The following SEC14L1 variants were observed in gnomAD, a reference collection of about 807,000 sequenced individuals.
SEC14L1 encodes the protein SEC14-like protein 1.
SEC14L1 carries 48 observed loss-of-function variants against 85.3 expected under a neutral mutation model. That is an observed-to-expected ratio of 0.56 (90% CI 0.45 to 0.72). The LOEUF (loss-of-function observed/expected upper bound fraction) is 0.72. Ranked by LOEUF, SEC14L1 falls within the 30% of genes least tolerant of loss-of-function variation. The pLI, the probability that SEC14L1 is intolerant of heterozygous loss-of-function variation, is 0.00. For synonymous variants in SEC14L1, 391 were observed against 355.5 expected (o/e 1.10, Z -1.12); for missense variants, 682 against 921.4 (o/e 0.74, Z 3.36).
intron 3 of SEC14L1, among the ~76,000 whole-genome samples, chr17:77,158,672 C>CAATTGTA (rs1036956165): frequency 6.6e-6 from 1 of 152,056 alleles, no homozygotes; most frequent in Non-Finnish European, 1.5e-5. Context: ...GAATTGTACT[C>CAATTGTA]AATTGTATCT....
Position 77,206,005 on chromosome 17 carries a change from C to T in SEC14L1, c.1170-224C>T, listed in dbSNP as rs1443807738. 6.6e-6 allele frequency among the ~76,000 whole-genome samples: 1 copy of T among 152,072 alleles called. No individual in the cohort carries two copies. Among genetic ancestry groups the T allele is most frequent in the Non-Finnish European group, 1.5e-5 (1 of 68,028 alleles). On this transcript the variant is annotated intron_variant, in intron 11 of 16. Transcript: ENST00000436233. The surrounding 1 kb of genome is among the most constrained non-coding windows in gnomAD (Gnocchi z 4.3). ...GAGCTTTTCGTGCATTATCAGTCAG[C>T]CTTAATTGCAGTTTCAGGCCTTGGT...
intron 3 of SEC14L1, among the ~76,000 whole-genome samples, chr17:77,128,498 G>A (rs1344224469): frequency 1.4e-5 from 2 of 140,054 alleles, no homozygotes; most frequent in Admixed American, 1.5e-4. Flanking sequence ...TCGTTCTGTC[G>A]CCCAGTCTGG....
chr17:77,092,127 T>C (rs1253110637), intron 2 of SEC14L1, among the ~76,000 whole-genome samples: 1 of 152,166 alleles, frequency 6.6e-6, no homozygotes, highest in African/African-American at 2.4e-5. Context: ...GAATGTAATA[T>C]TGATTTTCTC....
At chr17:77,117,050 A>G (rs1306580976) in intron 3 of SEC14L1, among the ~76,000 whole-genome samples, 2 of 152,234 alleles carry the variant, frequency 1.3e-5, no homozygotes, top group Non-Finnish European at 2.9e-5. Flanking sequence ...TATTCCCTGC[A>G]GTAAATGCAA....
intron 3 of SEC14L1, among the ~76,000 whole-genome samples, chr17:77,134,244 A>G (rs946851835): frequency 1.4e-5 from 2 of 145,008 alleles, no homozygotes; most frequent in African/African-American, 5.1e-5. Flanking sequence ...CATGCAACAC[A>G]CACACACTTT....
chr17:77,206,421 C>T lies in SEC14L1; in HGVS notation c.1341+21C>T. Reference sequence around the variant, plus strand: ...CGCTGGTGGGTTGAGATGCTTTTTGCAGTAACTGTGAGCCATTTGGAAAGC... The same window carrying T: ...CGCTGGTGGGTTGAGATGCTTTTTGTAGTAACTGTGAGCCATTTGGAAAGC... On this transcript the variant is annotated intron_variant, in intron 12 of 16. Transcript: ENST00000436233. The surrounding 1 kb of genome is among the most constrained non-coding windows in gnomAD (Gnocchi z 4.3). 1 of 1,607,056 alleles carries T rather than the reference C, an allele frequency of 6.2e-7. No homozygotes were observed. The highest frequency in any genetic ancestry group is 8.5e-7 in the Non-Finnish European group (1 of 1,174,582).
chr17:77,173,049 C>G (rs562742031), intron 3 of SEC14L1, among the ~76,000 whole-genome samples: 1 of 152,244 alleles, frequency 6.6e-6, no homozygotes, highest in Admixed American at 6.5e-5. Flanking sequence ...ATTAGCTCAG[C>G]CCAAGTATAT....
intron 3 of SEC14L1, among the ~76,000 whole-genome samples, chr17:77,158,107 C>T (rs1179852913): frequency 4.6e-5 from 7 of 152,202 alleles, no homozygotes; most frequent in Non-Finnish European, 1.0e-4. Flanking sequence ...CCAGACTGGT[C>T]TCGAACTCCT....
chr17:77,214,936 A>G lies in SEC14L1; in HGVS notation c.*913A>G, dbSNP rs537196896. The G allele has an allele frequency of 8.9e-5, 88 of 985,372 alleles. 1 individual carries two copies. The African/African-American group carries it at 1.4e-3, about 16-fold the overall frequency. The allele number at this position is 985,372 out of a possible 1,614,324, so 61.0% of individuals were successfully genotyped here. On this transcript the variant is annotated 3_prime_UTR_variant, in exon 17 of 17. Coordinates refer to ENST00000436233, the MANE Select transcript of SEC14L1 (RefSeq NM_001143998.2). ...GGCCGTCTTGGAACCAGCAAGTCGC[A>G]TTTGCCACTTGACACTGTCCATGGG...
At chr17:77,161,560 A>G (rs1490039787) in intron 3 of SEC14L1, among the ~76,000 whole-genome samples, 1 of 152,162 alleles carries the variant, frequency 6.6e-6, no homozygotes, top group Non-Finnish European at 1.5e-5. Context: ...GCAAGGGGGA[A>G]AAAGTAACTG....
chr17:77,168,798 G>A (rs1039597197), intron 3 of SEC14L1, among the ~76,000 whole-genome samples: 4 of 152,034 alleles, frequency 2.6e-5, no homozygotes, highest in East Asian at 1.9e-4. Flanking sequence ...TAATGGCATC[G>A]TCTGCATAAT....
chr17:77,144,875 G>A (rs1973206434), intron 3 of SEC14L1: 2 of 152,244 alleles, frequency 1.3e-5, no homozygotes, highest in Non-Finnish European at 2.9e-5. Flanking sequence ...GTCTCCCAGA[G>A]TGCTGGGATT....
intron 3 of SEC14L1, among the ~76,000 whole-genome samples, chr17:77,105,987 G>GA (rs112870360): frequency 1.6e-3 from 221 of 136,444 alleles, no homozygotes; most frequent in Middle Eastern, 7.4e-3. Flanking sequence ...GAGTTCAGAG[G>GA]AAAAAAAAAA....
Position 77,152,964 on chromosome 17 carries a change from C to G in SEC14L1, c.63+9305C>G, listed in dbSNP as rs8067966. Reference sequence around the variant, plus strand: ...ATTTGTCCTGTTCAGTTACCTTAACCTTTTGCTGATTTAATTGTTCCTTAC... The same window carrying G: ...ATTTGTCCTGTTCAGTTACCTTAACGTTTTGCTGATTTAATTGTTCCTTAC... On this transcript the variant is annotated intron_variant, in intron 3 of 16. Transcript: ENST00000436233. Among the ~76,000 whole-genome samples, 3 of 152,230 alleles carry G rather than the reference C, an allele frequency of 2.0e-5. No homozygotes were observed. The South Asian group carries it at 6.2e-4, about 32-fold the overall frequency.
At chr17:77,108,710 G>C (rs1430234311) in intron 3 of SEC14L1, among the ~76,000 whole-genome samples, 1 of 146,928 alleles carries the variant, frequency 6.8e-6, no homozygotes, top group Admixed American at 6.9e-5. Flanking sequence ...CTGCATTCCA[G>C]TGTGGCCGAC....
upstream of SEC14L1, among the ~76,000 whole-genome samples, chr17:77,136,989 A>G (rs545210796): frequency 7.2e-4 from 108 of 150,560 alleles, no homozygotes; most frequent in East Asian, 2.5e-3. Context: ...GGCTCACCGC[A>G]ACCTCTGCCT....
intron 5 of SEC14L1, 90 bp from the exon 6 acceptor site, chr17:77,193,331 T>A (rs979375040): frequency 1.5e-6 from 2 of 1,327,732 alleles, no homozygotes; most frequent in African/African-American, 2.9e-5. Flanking sequence ...ACGTAAGTGT[T>A]TTTTTCTGGT....
intron 3 of SEC14L1, among the ~76,000 whole-genome samples, chr17:77,114,845 A>C (rs888691684): frequency 2.2e-4 from 34 of 151,432 alleles, no homozygotes; most frequent in African/African-American, 8.0e-4. Flanking sequence ...CCAAAAAAAA[A>C]AAAAAAAAAA....
chr17:77,194,652 C>A, intron 6 of SEC14L1, 25 bp from the exon 7 acceptor site: 1 of 1,574,332 alleles, frequency 6.4e-7, no homozygotes, highest in Non-Finnish European at 8.7e-7. Context: ...TATATACTCA[C>A]CTTTAAATTG....
Sources: gnomAD v4.1 joint callset for allele counts (sites outside exome capture counted in the v4.1 genomes callset) on GRCh38, gnomAD v4.1.1 for gene constraint, Gnocchi (gnomAD v3.1) non-coding constraint, MANE v1.5 for transcripts, NCBI Gene and HGNC (gene_info 2026-07-23, HGNC 2026-07-21) for gene names.